Variants in RPTOR observed in about 807,000 individuals in gnomAD.
RPTOR encodes the protein regulatory associated protein of MTOR complex 1.
Under a neutral mutation model 169.9 loss-of-function variants are expected in RPTOR, and 21 were observed. That is an observed-to-expected ratio of 0.12 (90% CI 0.09 to 0.18). The LOEUF (loss-of-function observed/expected upper bound fraction) is 0.18, where lower values mean the gene tolerates loss of function less well. Ranked by LOEUF, RPTOR falls within the 10% of genes least tolerant of loss-of-function variation. The pLI is 1.00. For missense variants in RPTOR, 1,133 were observed against 1,855.9 expected (o/e 0.61, Z 7.16); for synonymous variants, 732 against 753.2 (o/e 0.97, Z 0.46).
intron 5 of RPTOR, among the ~76,000 whole-genome samples, chr17:80,751,757 T>A (rs2066632613): frequency 1.3e-5 from 2 of 152,210 alleles, no homozygotes; most frequent in Non-Finnish European, 2.9e-5. Context: ...CCCTAGGAAT[T>A]GTGTAAGTCA....
At chr17:80,595,671 G>A (rs948543207) in intron 1 of RPTOR, among the ~76,000 whole-genome samples, 1 of 152,134 alleles carries the variant, frequency 6.6e-6, no homozygotes, top group Non-Finnish European at 1.5e-5. Context: ...TGCCCAGGCT[G>A]GTCTCAAACT....
intron 9 of RPTOR, among the ~76,000 whole-genome samples, chr17:80,825,789 T>G (rs895524213): frequency 6.6e-6 from 1 of 152,214 alleles, no homozygotes; most frequent in African/African-American, 2.4e-5. Context: ...TGGGCTAATG[T>G]GCGCCTTTAG....
chr17:80,582,824 G>A (rs977096589), intron 1 of RPTOR, among the ~76,000 whole-genome samples: 2 of 151,962 alleles, frequency 1.3e-5, no homozygotes, highest in African/African-American at 4.8e-5. Context: ...GATTACAGGC[G>A]TGAGCCACCG....
At chr17:80,787,089 C>A (rs1004800400) in intron 6 of RPTOR, among the ~76,000 whole-genome samples, 1 of 152,262 alleles carries the variant, frequency 6.6e-6, no homozygotes, top group African/African-American at 2.4e-5. Flanking sequence ...CTGTGACCAC[C>A]GCCCTGAGTG....
intron 16 of RPTOR, 39 bp from the exon 17 acceptor site, chr17:80,884,969 C>T (rs76916211): frequency 0.017 from 26,928 of 1,589,734 alleles, 261 homozygotes; most frequent in East Asian, 0.04. Flanking sequence ...CAGCATGGCC[C>T]GGTGTGGGAC....
chr17:80,902,146 C>T (rs551004501), intron 20 of RPTOR, among the ~76,000 whole-genome samples: 11 of 152,320 alleles, frequency 7.2e-5, no homozygotes, highest in African/African-American at 2.6e-4. Flanking sequence ...TCCAGTGCCC[C>T]CATCCCACCA....
At chr17:80,674,787 CAAAAAAAAAAAAAAAA>C (rs9319608) in intron 3 of RPTOR, among the ~76,000 whole-genome samples, 4 of 89,976 alleles carry the variant, frequency 4.4e-5, no homozygotes, top group East Asian at 3.8e-4. Context: ...GACTCTGTCT[CAAAAAAAAAAAAAAAA>C]AAAAAAAAAA....
At chr17:80,626,413 T>TAA (rs567057649) in intron 2 of RPTOR, among the ~76,000 whole-genome samples, 1 of 148,834 alleles carries the variant, frequency 6.7e-6, no homozygotes, top group Admixed American at 6.7e-5. Flanking sequence ...TATGTACACT[T>TAA]AAAAAAAAAA....
intron 26 of RPTOR, 135 bp downstream of exon 26, chr17:80,945,916 T>C (rs1356429381): frequency 1.4e-5 from 7 of 504,466 alleles, no homozygotes; most frequent in Middle Eastern, 5.2e-4. Flanking sequence ...TAGCACTGTT[T>C]CCTGAGAAAC....
chr17:80,656,807 A>G (rs1050568223), intron 3 of RPTOR, among the ~76,000 whole-genome samples: 4 of 152,178 alleles, frequency 2.6e-5, no homozygotes, highest in Non-Finnish European at 4.4e-5. Context: ...CGAAGGGGCA[A>G]GTGTTAATCA....
At chr17:80,922,938 C>A in intron 22 of RPTOR, 111 bp downstream of exon 22, 1 of 870,478 alleles carries the variant, frequency 1.1e-6, no homozygotes. Context: ...CCTGTCTTGG[C>A]TTCGTCTCCT....
chr17:80,864,657 G>C (rs1462815390), intron 13 of RPTOR, among the ~76,000 whole-genome samples: 1 of 152,226 alleles, frequency 6.6e-6, no homozygotes, highest in African/African-American at 2.4e-5. Flanking sequence ...CTTTAGCCTT[G>C]AGGAGAATAC....
chr17:80,548,696 G>A (rs1312169114), intron 1 of RPTOR, among the ~76,000 whole-genome samples: 1 of 151,946 alleles, frequency 6.6e-6, no homozygotes, highest in Non-Finnish European at 1.5e-5. Context: ...TGACCAGTGG[G>A]TTACCTACGT....
intron 7 of RPTOR, among the ~76,000 whole-genome samples, chr17:80,807,105 G>A (rs2067226284): frequency 6.6e-6 from 1 of 152,198 alleles, no homozygotes; most frequent in African/African-American, 2.4e-5. Context: ...CTGTCTCTTG[G>A]TTAGTGTTTG....
At chr17:80,937,707 A>T (rs894514832) in intron 24 of RPTOR, among the ~76,000 whole-genome samples, 1 of 152,210 alleles carries the variant, frequency 6.6e-6, no homozygotes, top group African/African-American at 2.4e-5. Flanking sequence ...GAAGAGAAAC[A>T]GGTGGAGAGG....
At chr17:80,565,410 G>A (rs1210166107) in intron 1 of RPTOR, among the ~76,000 whole-genome samples, 1 of 152,212 alleles carries the variant, frequency 6.6e-6, no homozygotes, top group East Asian at 1.9e-4. Flanking sequence ...CACACACCAT[G>A]GGGGGTGTAG....
intron 2 of RPTOR, among the ~76,000 whole-genome samples, chr17:80,630,035 T>C (rs1416581177): frequency 2.6e-5 from 4 of 152,262 alleles, no homozygotes; most frequent in Non-Finnish European, 5.9e-5. Flanking sequence ...AGCATTTCCA[T>C]TGACTATTTT....
At chr17:80,875,640 C>A (rs980052509) in intron 13 of RPTOR, among the ~76,000 whole-genome samples, 37 of 152,246 alleles carry the variant, frequency 2.4e-4, no homozygotes, top group Non-Finnish European at 4.4e-4. Flanking sequence ...CCGTGCTGTT[C>A]ATCTGAGCCC....
intron 1 of RPTOR, among the ~76,000 whole-genome samples, chr17:80,568,564 C>T (rs1158522616): frequency 1.3e-5 from 2 of 152,098 alleles, no homozygotes; most frequent in Non-Finnish European, 1.5e-5. Context: ...TGTGATTAGC[C>T]TGCTTATGGT....
Sources: gnomAD v4.1 joint callset for allele counts (sites outside exome capture counted in the v4.1 genomes callset) on GRCh38, gnomAD v4.1.1 for gene constraint, MANE v1.5 for transcripts, NCBI Gene and HGNC (gene_info 2026-07-23, HGNC 2026-07-21) for gene names.